Variants in NAA16 observed in about 807,000 individuals in gnomAD.
The protein encoded by NAA16 is NARG1-like protein.
NAA16 carries 97 observed loss-of-function variants against 110.3 expected under a neutral mutation model. The observed-to-expected ratio is 0.88, with a 90% confidence interval of 0.75 to 1.04. NAA16 has a LOEUF of 1.04. Among genes scored for constraint, NAA16 ranks in the 50% least tolerant of loss-of-function variants. The pLI, the probability that NAA16 is intolerant of heterozygous loss-of-function variation, is 0.00. For synonymous variants in NAA16, 372 were observed against 330.6 expected, an observed-to-expected ratio of 1.13 and a Z score of -1.36; for missense variants, 1,017 against 1,005.1, an observed-to-expected ratio of 1.01 and a Z score of -0.16.
chr13:41,325,516 C>T (rs991742144), intron 5 of NAA16, among the ~76,000 whole-genome samples, 182 bp from the exon 6 acceptor site: 1 of 152,026 alleles, frequency 6.6e-6, no homozygotes, highest in Non-Finnish European at 1.5e-5. Context: ...AAGTCCCACC[C>T]TATTATTTGT....
At chr13:41,319,350 T>C (rs1671766380) in intron 3 of NAA16, among the ~76,000 whole-genome samples, 1 of 152,202 alleles carries the variant, frequency 6.6e-6, no homozygotes, top group South Asian at 2.1e-4. Context: ...TTTAGACATT[T>C]GAGAAGAAAA....
At chr13:41,327,272 A>G (rs1441948893) in intron 6 of NAA16, among the ~76,000 whole-genome samples, 1 of 152,148 alleles carries the variant, frequency 6.6e-6, no homozygotes, top group African/African-American at 2.4e-5. Context: ...TCTGGTTTCT[A>G]TCTTGTTCTG....
intron 9 of NAA16, among the ~76,000 whole-genome samples, chr13:41,339,644 G>A (rs2042482118): frequency 6.6e-6 from 1 of 151,842 alleles, no homozygotes; most frequent in African/African-American, 2.4e-5. Flanking sequence ...TGCAACCTCC[G>A]CCTTCCGGGT....
At chr13:41,369,723 C>G (rs938324693) in intron 15 of NAA16, among the ~76,000 whole-genome samples, 5 of 152,224 alleles carry the variant, frequency 3.3e-5, no homozygotes, top group Admixed American at 3.3e-4. Flanking sequence ...AGGACTCAAC[C>G]TGCTGTTGCT....
chr13:41,362,821 G>A (rs760721894), intron 13 of NAA16: 28 of 1,289,272 alleles, frequency 2.2e-5, no homozygotes, highest in Middle Eastern at 2.2e-4. Flanking sequence ...GGGGGCAATC[G>A]GCACCACTGT....
At chr13:41,345,048 A>G (rs1456635942) in intron 9 of NAA16, among the ~76,000 whole-genome samples, 2 of 152,218 alleles carry the variant, frequency 1.3e-5, no homozygotes, top group Non-Finnish European at 2.9e-5. Context: ...AGCATGAATC[A>G]GTACTTCATT....
chr13:41,362,276 A>T, intron 13 of NAA16, 117 bp downstream of exon 13: 4 of 1,104,702 alleles, frequency 3.6e-6, no homozygotes, highest in Non-Finnish European at 3.8e-6. Flanking sequence ...TGTGAAAAAA[A>T]TTCTTGATCT....
chr13:41,333,005 G>T (rs979990051), intron 8 of NAA16, among the ~76,000 whole-genome samples: 1 of 152,070 alleles, frequency 6.6e-6, no homozygotes, highest in Non-Finnish European at 1.5e-5. Flanking sequence ...AGTCCAAGTG[G>T]ATATTAATAG....
At position 41,315,880 on chromosome 13, in the gene NAA16, C is replaced by A. The variant is rs74328234; in HGVS notation, c.55-966C>A. 6.9e-3 allele frequency among the ~76,000 whole-genome samples: 1,047 copies of A among 152,102 alleles called. 16 individuals carry two copies. The highest frequency in any genetic ancestry group is 0.023 in the African/African-American group (968 of 41,484). On this transcript the variant is annotated intron_variant, in intron 1 of 19. Transcript: ENST00000379406. ...AGCCTCGTGGGCTCAAGTGATCCTC[C>A]CACCTCAGCCTCCCAAGCAGTTAGG...
intron 1 of NAA16, among the ~76,000 whole-genome samples, chr13:41,314,178 T>C (rs2041746283): frequency 6.6e-6 from 1 of 152,134 alleles, no homozygotes; most frequent in African/African-American, 2.4e-5. Context: ...GTAAATAAGC[T>C]GTCATGGGAT....
intron 7 of NAA16, among the ~76,000 whole-genome samples, chr13:41,330,204 T>G (rs1448992237): frequency 1.3e-5 from 2 of 151,882 alleles, no homozygotes; most frequent in Non-Finnish European, 2.9e-5. Context: ...TTGTTTTTGT[T>G]TTTTTACCCC....
intron 1 of NAA16, among the ~76,000 whole-genome samples, chr13:41,314,527 A>G (rs2041757023): frequency 1.4e-5 from 2 of 143,172 alleles, no homozygotes; most frequent in Non-Finnish European, 3.2e-5. Context: ...AGAGGCCTCA[A>G]TATAAACTTT....
chr13:41,335,716 T>A (rs1465275714), intron 8 of NAA16, among the ~76,000 whole-genome samples: 1 of 152,178 alleles, frequency 6.6e-6, no homozygotes, highest in Admixed American at 6.5e-5. Flanking sequence ...TGCATGCATG[T>A]TTTGTTCAAC....
rs529070346 is a variant in NAA16, at chr13:41,358,322, C to T, written c.1106C>T (p.Pro369Leu). ...ATTGCAGAGAATGGGGAGAAGGAACCCCCGACAACACTACTCTGGGTTCAG... is the reference window on the plus strand; with the variant it reads ...ATTGCAGAGAATGGGGAGAAGGAACTCCCGACAACACTACTCTGGGTTCAG... ...FSPYENGEKE[P>L]PTTLLWVQYF... The change falls in exon 11 of 20, where the codon CCC becomes CTC. Residue 369 changes from proline to leucine, a missense_variant. Physicochemically the swap from Pro to Leu is moderately conservative, Grantham distance 98. Transcript: ENST00000379406. The T allele has an allele frequency of 3.1e-6, 5 of 1,612,942 alleles. No individual in the cohort carries two copies. Among genetic ancestry groups the T allele is most frequent in the Non-Finnish European group, 4.2e-6 (5 of 1,179,422 alleles).
chr13:41,359,363 G>T (rs1450574148), intron 12 of NAA16, among the ~76,000 whole-genome samples: 1 of 152,084 alleles, frequency 6.6e-6, no homozygotes, highest in Non-Finnish European at 1.5e-5. Context: ...TAATTGCTCT[G>T]AACTAGTCTC....
In NAA16 at chr13:41,370,886, C is replaced by A. The variant is rs188606763; in HGVS notation, c.1948-1317C>A. ...AACCCCAGTAGAACATTATGAAAGT[C>A]TGGAAGGATTACATCATCAAGGATG... On this transcript the variant is annotated intron_variant, in intron 15 of 19. Transcript: ENST00000379406. 1.2e-4 allele frequency among the ~76,000 whole-genome samples: 18 copies of A among 152,268 alleles called. No homozygotes were observed. In the East Asian group the frequency reaches 1.9e-3, roughly 16 times the overall value.
chr13:41,371,959 A>G lies in NAA16; in HGVS notation c.1948-244A>G, dbSNP rs541180676. 6.6e-5 allele frequency among the ~76,000 whole-genome samples: 10 copies of G among 152,242 alleles called. No individual in the cohort carries two copies. In the South Asian group the frequency reaches 2.1e-3, roughly 32 times the overall value. On this transcript the variant is annotated intron_variant, in intron 15 of 19. Coordinates refer to ENST00000379406, the MANE Select transcript of NAA16 (RefSeq NM_024561.5). ...TTAAGTCTGTGGAATAACTTTATGT[A>G]TTTTTTTGTTTTTAATAAAATGATC...
At chr13:41,336,785 T>C in intron 9 of NAA16, 29 bp downstream of exon 9, 1 of 1,314,958 alleles carries the variant, frequency 7.6e-7, no homozygotes, top group Non-Finnish European at 1.1e-6. Context: ...TCAGATTTGC[T>C]ATAGTCTTTT....
intron 8 of NAA16, among the ~76,000 whole-genome samples, chr13:41,335,160 C>T (rs192294361): frequency 3.9e-5 from 6 of 152,176 alleles, no homozygotes; most frequent in South Asian, 2.1e-4. Flanking sequence ...GTTTCCTCAG[C>T]GGGTGATTGC....
Sources: gnomAD v4.1 joint callset for allele counts (sites outside exome capture counted in the v4.1 genomes callset) on GRCh38, gnomAD v4.1.1 for gene constraint, MANE v1.5 for transcripts, NCBI Gene and HGNC (gene_info 2026-07-23, HGNC 2026-07-21) for gene names.